The following TPO variants were observed in gnomAD, a reference collection of about 807,000 sequenced individuals.
TPO encodes the protein thyroid peroxidase.
Under a neutral mutation model 96.9 loss-of-function variants are expected in TPO, and 78 were observed. The ratio of observed to expected loss-of-function variants is 0.81; its 90% CI spans 0.67 to 0.97. The LOEUF (loss-of-function observed/expected upper bound fraction) is 0.97. Among genes scored for constraint, TPO ranks in the 50% least tolerant of loss-of-function variants. TPO has a pLI of 0.00. For synonymous variants in TPO, 547 were observed against 538.0 expected (o/e 1.02, Z -0.23); for missense variants, 1,252 against 1,274.8 (o/e 0.98, Z 0.27).
At chr2:1,526,943 C>A (rs1253310872) in intron 15 of TPO, among the ~76,000 whole-genome samples, 1 of 147,756 alleles carries the variant, frequency 6.8e-6, no homozygotes. Context: ...GTGCAACCTC[C>A]ACAAATCCCC....
intron 5 of TPO, among the ~76,000 whole-genome samples, chr2:1,444,269 T>C (rs1666531943): frequency 1.7e-5 from 2 of 117,636 alleles, no homozygotes; most frequent in Non-Finnish European, 3.5e-5. Context: ...GATCCAGTCA[T>C]TGCTGCAGGA....
At chr2:1,391,979 C>A (rs1662008396) in intron 1 of TPO, among the ~76,000 whole-genome samples, 1 of 152,172 alleles carries the variant, frequency 6.6e-6, no homozygotes, top group South Asian at 2.1e-4. Flanking sequence ...AATTTGACTT[C>A]CTCTTTTCCT....
intron 15 of TPO, among the ~76,000 whole-genome samples, chr2:1,534,223 G>A (rs1298852483): frequency 1.3e-5 from 1 of 77,582 alleles, no homozygotes; most frequent in Non-Finnish European, 2.4e-5. Context: ...CCCACTGTGT[G>A]CAACCTCCTC....
chr2:1,540,588 C>T lies in TPO; in HGVS notation c.2619-6C>T. The stretch of plus-strand genomic sequence containing the variant: ...CTCCCGATAACTGGACACGTGTCTC[C>T]CACAGGACACGCACTGGCACTAAAT... On this transcript the variant is annotated splice_region_variant and splice_polypyrimidine_tract_variant and intron_variant, in intron 15 of 16. Coordinates refer to ENST00000329066, the MANE Select transcript of TPO (RefSeq NM_001206744.2). 1 of 1,613,164 alleles carries T rather than the reference C, an allele frequency of 6.2e-7. No individual in the cohort carries two copies. The highest frequency in any genetic ancestry group is 8.5e-7 in the Non-Finnish European group (1 of 1,180,014).
intron 5 of TPO, among the ~76,000 whole-genome samples, chr2:1,453,484 T>C (rs1384224018): frequency 1.3e-5 from 2 of 152,094 alleles, no homozygotes; most frequent in East Asian, 3.9e-4. Flanking sequence ...AGGGTGCCTG[T>C]GGGAACCAAG....
chr2:1,504,034 T>G lies in TPO; in HGVS notation c.2473T>G (p.Cys825Gly). The G allele has an allele frequency of 6.2e-7, 1 of 1,614,236 alleles. No individual in the cohort carries two copies. The highest frequency in any genetic ancestry group is 8.5e-7 in the Non-Finnish European group (1 of 1,180,042). Residue 825 changes from cysteine (C) to glycine (G), a missense_variant, in exon 14 of 17, where the codon TGC becomes GGC. By Grantham distance (159) the Cys-to-Gly change is radical. Transcript: ENST00000329066. ...RNTKGGFQCLCADPYELGDDG... is the reference protein window; with the variant it reads ...RNTKGGFQCLGADPYELGDDG... Reference sequence around the variant, plus strand: ...CACCAAAGGCGGCTTCCAGTGTCTCTGCGCGGACCCCTACGAGTTAGGAGA... The same window carrying G: ...CACCAAAGGCGGCTTCCAGTGTCTCGGCGCGGACCCCTACGAGTTAGGAGA...
At chr2:1,414,544 T>C (rs1386230605) in intron 2 of TPO, 42 bp downstream of exon 2, 1 of 1,577,220 alleles carries the variant, frequency 6.3e-7, no homozygotes. Context: ...CTTATAAAGT[T>C]ATTTTTCACA....
chr2:1,494,287 A>G (rs1221066166), intron 11 of TPO, among the ~76,000 whole-genome samples: 7 of 152,234 alleles, frequency 4.6e-5, no homozygotes. Flanking sequence ...CCTAGATCCA[A>G]CCACACGAGC....
rs571173868 is a variant in TPO at position 1,484,586 on chromosome 2, A to G, written c.1339-10A>G. The stretch of plus-strand genomic sequence containing the variant: ...TGGGCCTCACTGAGATGCTTTTCCT[A>G]TCTGCACAGATCATCACCCTGAGGG... On this transcript the variant is annotated splice_polypyrimidine_tract_variant and intron_variant, in intron 8 of 16. Coordinates refer to ENST00000329066, the MANE Select transcript of TPO (RefSeq NM_001206744.2). 3 of 1,613,948 alleles carry G rather than the reference A, an allele frequency of 1.9e-6. No individual in the cohort carries two copies. Among genetic ancestry groups the G allele is most frequent in the South Asian group, 2.2e-5 (2 of 91,080 alleles).
chr2:1,414,490 G>C lies in TPO; in HGVS notation c.82G>C (p.Glu28Gln). 6.2e-7 allele frequency: 1 copy of C among 1,614,026 alleles called. No individual in the cohort carries two copies. The highest frequency in any genetic ancestry group is 1.1e-5 in the South Asian group (1 of 91,006). The part of the protein sequence containing the change: ...AFFPFISRGK[E>Q]LLWGKPEESR... Reference sequence around the variant, plus strand: ...CTTCCCCTTCATCTCGAGAGGGAAAGAACTCCTTTGGGGTAAGTAGCAAAC... The same window carrying C: ...CTTCCCCTTCATCTCGAGAGGGAAACAACTCCTTTGGGGTAAGTAGCAAAC... The change falls in exon 2 of 17, where the codon GAA becomes CAA. Residue 28 changes from glutamate (E) to glutamine (Q), a missense_variant. Transcript: ENST00000329066.
chr2:1,457,135 C>T (rs112427786), intron 7 of TPO, among the ~76,000 whole-genome samples: 20 of 41,792 alleles, frequency 4.8e-4, no homozygotes, highest in South Asian at 2.8e-3. Flanking sequence ...ATATATATAG[C>T]ATGTATGATA....
chr2:1,390,484 A>G (rs1388556004), intron 1 of TPO, among the ~76,000 whole-genome samples: 1 of 152,216 alleles, frequency 6.6e-6, no homozygotes, highest in Non-Finnish European at 1.5e-5. Flanking sequence ...GTGCTGCAAT[A>G]GACATACGTG....
chr2:1,540,568 G>A (rs1009351606), intron 15 of TPO, 26 bp from the exon 16 acceptor site: 5 of 1,611,564 alleles, frequency 3.1e-6, no homozygotes, highest in African/African-American at 1.3e-5. Flanking sequence ...ACCCTCTCCC[G>A]ATAACTGGAC....
chr2:1,533,027 A>G (rs1164679336), intron 15 of TPO, among the ~76,000 whole-genome samples: 22 of 44,254 alleles, frequency 5.0e-4, no homozygotes, highest in African/African-American at 2.3e-3. Flanking sequence ...CACTGTGTGC[A>G]CCCCCCAAAA....
At chr2:1,375,926 C>T (rs1661716050) in intron 1 of TPO, among the ~76,000 whole-genome samples, 1 of 152,134 alleles carries the variant, frequency 6.6e-6, no homozygotes, top group African/African-American at 2.4e-5. Flanking sequence ...GAACGTTTCT[C>T]TAATGCTATG....
At chr2:1,411,172 G>A (rs572925002), upstream of TPO, among the ~76,000 whole-genome samples, 5 of 152,258 alleles carry the variant, frequency 3.3e-5, no homozygotes, top group South Asian at 1.0e-3. Context: ...CATTTCCAGT[G>A]TAACAGCTTC....
intron 2 of TPO, among the ~76,000 whole-genome samples, chr2:1,421,676 G>C (rs1448000635): frequency 6.6e-6 from 1 of 152,210 alleles, no homozygotes; most frequent in Non-Finnish European, 1.5e-5. Context: ...GAAAATTCCA[G>C]GTGTCTTATA....
chr2:1,411,760 T>G (rs1177629803), upstream of TPO, among the ~76,000 whole-genome samples: 1 of 152,156 alleles, frequency 6.6e-6, no homozygotes, highest in Non-Finnish European at 1.5e-5. Flanking sequence ...AGTCTCAGTT[T>G]CCATCATCAC....
intron 1 of TPO, among the ~76,000 whole-genome samples, chr2:1,389,781 C>A (rs770910245): frequency 1.3e-5 from 2 of 152,122 alleles, no homozygotes; most frequent in Non-Finnish European, 2.9e-5. Flanking sequence ...GATTAAAAGC[C>A]TTTTCCACAA....
Sources: allele counts gnomAD v4.1 joint callset (sites outside exome capture counted in the v4.1 genomes callset), GRCh38; gene constraint gnomAD v4.1.1; transcripts MANE v1.5; gene names NCBI Gene and HGNC (gene_info 2026-07-23, HGNC 2026-07-21).